ZNF208: variants seen among roughly 807,000 people sequenced by gnomAD.
The protein encoded by ZNF208 is zinc finger protein 208, also known as zinc finger protein 95.
Under a neutral mutation model 12.1 loss-of-function variants are expected in ZNF208, and 10 were observed. That is an observed-to-expected ratio of 0.83 (90% CI 0.51 to 1.40). The LOEUF (loss-of-function observed/expected upper bound fraction) is 1.40. Ranked by LOEUF, ZNF208 falls within the 40% of genes most tolerant of loss-of-function variation. The pLI is 0.00. For missense variants in ZNF208, 1,652 were observed against 1,485.0 expected (o/e 1.11, Z -1.85); for synonymous variants, 497 against 488.4 (o/e 1.02, Z -0.23).
In ZNF208 at chr19:21,974,725, A is replaced by G. The variant is rs772471432; in HGVS notation, c.309T>C (p.Tyr103=). 1 of 1,613,194 alleles carries G rather than the reference A, an allele frequency of 6.2e-7. No homozygotes were observed. The highest frequency in any genetic ancestry group is 1.1e-5 in the South Asian group (1 of 90,968). The change falls in exon 4 of 4, where the codon TAT becomes TAC. Residue 103 remains tyrosine (Y), a synonymous_variant. Coordinates refer to ENST00000397126, the MANE Select transcript of ZNF208 (RefSeq NM_007153.3). Reference sequence around the variant, plus strand: ...GTAAATTCTCATGTCCACATTTTTCATACCTTCTCAATATCACTTTTTGGA... The same window carrying G: ...GTAAATTCTCATGTCCACATTTTTCGTACCTTCTCAATATCACTTTTTGGA... ...DSFQKVILRR[Y]EKCGHENLHL... is the part of the protein sequence containing the mutation.
At chr19:21,995,179 T>C (rs148747862) in intron 1 of ZNF208, among the ~76,000 whole-genome samples, 2,116 of 152,288 alleles carry the variant, frequency 0.014, 136 homozygotes, top group East Asian at 0.13. Context: ...CTCGAACTCC[T>C]GACCTCAGGT....
chr19:21,974,457 T>C lies in ZNF208; in HGVS notation c.577A>G (p.Arg193Gly). The C allele has an allele frequency of 1.2e-6, 2 of 1,613,746 alleles. No individual in the cohort carries two copies. The highest frequency in any genetic ancestry group is 2.7e-5 in the African/African-American group (2 of 75,044). ...TAGGAATTCTCTCTAGTATAAATTC[T>C]TTTATGTTGAGATAGGTGTGAAAGC... ...CMLSHLSQHK[R>G]IYTRENSYKC... The change falls in exon 4 of 4, where the codon AGA becomes GGA. Residue 193 changes from arginine (R) to glycine (G), a missense_variant. Coordinates refer to ENST00000397126, the MANE Select transcript of ZNF208 (RefSeq NM_007153.3).
rs1005733728 is a variant in ZNF208, at chr19:21,969,075, T to C, written c.*2116A>G. Among the ~76,000 whole-genome samples the C allele has an allele frequency of 2.0e-5, 3 of 152,078 alleles. No homozygotes were observed. Among genetic ancestry groups the C allele is most frequent in the African/African-American group, 7.2e-5 (3 of 41,432 alleles). ...GGCGGGCGCCTGTAGTCCCAGCTAA[T>C]TGGGAGGCTGAGGTGGGAGAATGGC... On this transcript the variant is annotated 3_prime_UTR_variant, in exon 4 of 4. Coordinates refer to ENST00000397126, the MANE Select transcript of ZNF208 (RefSeq NM_007153.3).
chr19:21,948,012 A>T lies in ZNF208; in HGVS notation c.306-14775T>A, dbSNP rs560357900. Among the ~76,000 whole-genome samples the T allele has an allele frequency of 1.6e-4, 25 of 152,232 alleles. 1 individual carries two copies. Among genetic ancestry groups the T allele is most frequent in the African/African-American group, 6.0e-4 (25 of 41,542 alleles). ...GGTCATGCTCGCATCCATGGGTAAC[A>T]TCTATGATGGTGGCTGGGAACCAGA... On this transcript the variant is annotated intron_variant, in intron 4 of 4. Coordinates refer to the ZNF208 transcript ENST00000599916.
rs1369486199 is a variant in ZNF208 at position 21,968,739 on chromosome 19, C to T, written c.*2452G>A. On this transcript the variant is annotated 3_prime_UTR_variant, in exon 4 of 4. Coordinates refer to ENST00000397126, the MANE Select transcript of ZNF208 (RefSeq NM_007153.3). ...GGGTGAAATCCCACCTTGATTTTTT[C>T]GAATGCATTCAGTAGGCTTAGGTAA... Among the ~76,000 whole-genome samples the T allele has an allele frequency of 2.0e-5, 3 of 147,660 alleles. No individual in the cohort carries two copies. The highest frequency in any genetic ancestry group is 3.0e-5 in the Non-Finnish European group (2 of 67,326).
Position 21,970,884 on chromosome 19 carries a change from T to A in ZNF208, c.*307A>T, listed in dbSNP as rs1970266440. 6.6e-7 allele frequency: 1 copy of A among 1,522,636 alleles called. No homozygotes were observed. Among genetic ancestry groups the A allele is most frequent in the African/African-American group, 1.4e-5 (1 of 72,872 alleles). The allele number at this position is 1,522,636 out of a possible 1,614,324, so 94.3% of individuals were successfully genotyped here. A position where few individuals can be genotyped will look rare whatever the true frequency, so the allele number is the denominator to read the frequency against. On this transcript the variant is annotated 3_prime_UTR_variant, in exon 4 of 4. Transcript: ENST00000397126. Reference sequence around the variant, plus strand: ...GGGTTTCTCTCCAGTATGAATTTTCTATGATAACTGAGGGTTGAGGACCAC... The same window carrying A: ...GGGTTTCTCTCCAGTATGAATTTTCAATGATAACTGAGGGTTGAGGACCAC...
At position 21,972,442 on chromosome 19, in the gene ZNF208, T is replaced by G; in HGVS notation, c.2592A>C (p.Glu864Asp). 1 of 1,613,256 alleles carries G rather than the reference T, an allele frequency of 6.2e-7. No homozygotes were observed. The highest frequency in any genetic ancestry group is 8.5e-7 in the Non-Finnish European group (1 of 1,179,904). ...IHTGEKPYKC[E>D]ECGKAYKWPS... ...GCCATTTATAGGCTTTGCCACATTC[T>G]TCACATTTGTAGGGTTTCTCTCCAG... Residue 864 changes from glutamate to aspartate, a missense_variant, in exon 4 of 4, where the codon GAA becomes GAC. This residue lies in a region of ZNF208 where 1,239 missense variants were observed against 1,086.2 expected (regional missense o/e 1.14). Coordinates refer to ENST00000397126, the MANE Select transcript of ZNF208 (RefSeq NM_007153.3).
At chr19:22,003,779 C>T (rs1396390429) in intron 1 of ZNF208, among the ~76,000 whole-genome samples, 1 of 152,098 alleles carries the variant, frequency 6.6e-6, no homozygotes, top group African/African-American at 2.4e-5. Context: ...TTATTCTATC[C>T]TAAAGACACA....
chr19:21,986,854 GA>G, intron 3 of ZNF208: 1 of 393,886 alleles, frequency 2.5e-6, no homozygotes, highest in Non-Finnish European at 4.5e-6. Flanking sequence ...AGAGATGATG[GA>G]AAGAGAGAAC....
At chr19:21,960,781 G>A (rs1385993669) in intron 4 of ZNF208, among the ~76,000 whole-genome samples, 1 of 152,168 alleles carries the variant, frequency 6.6e-6, no homozygotes, top group Non-Finnish European at 1.5e-5. Flanking sequence ...TGAAGCCTCT[G>A]CAGCTGTGTG....
In ZNF208 at chr19:21,974,182, G is replaced by T; in HGVS notation, c.852C>A (p.Pro284=). ...KHKIIHTGEK[P]NKCEECGKAF... ...CTTTGCCACATTCTTCACATTTGTT[G>T]GGTTTCTCTCCAGTATGAATTATCT... Residue 284 remains proline (P), a synonymous_variant, in exon 4 of 4, where the codon CCC becomes CCA. Transcript: ENST00000397126. 1 of 1,604,130 alleles carries T rather than the reference G, an allele frequency of 6.2e-7. No individual in the cohort carries two copies. The highest frequency in any genetic ancestry group is 1.1e-5 in the South Asian group (1 of 90,832).
chr19:21,965,603 T>C (rs1345705785), downstream of ZNF208: 1 of 152,086 alleles, frequency 6.6e-6, no homozygotes, highest in African/African-American at 2.4e-5. Flanking sequence ...ATTATTTCTA[T>C]TTTTCACAAG....
intron 4 of ZNF208, among the ~76,000 whole-genome samples, chr19:21,944,455 A>T (rs1216513730): frequency 1.3e-5 from 2 of 152,232 alleles, no homozygotes; most frequent in African/African-American, 4.8e-5. Context: ...TTTAGAAAAA[A>T]TAAATATATT....
In ZNF208 at chr19:22,004,014, G is replaced by C. The variant is rs549844148; in HGVS notation, c.3+6778C>G. 1.4e-4 allele frequency among the ~76,000 whole-genome samples: 21 copies of C among 151,592 alleles called. 1 individual carries two copies. Among genetic ancestry groups the C allele is most frequent in the Middle Eastern group, 3.4e-3 (1 of 294 alleles). ...CAAAATCCCATCTATAAAAAAAAAA[G>C]TACAAAAATAAAAATTAGCTAAGCA... On this transcript the variant is annotated intron_variant, in intron 1 of 3. Transcript: ENST00000397126.
At chr19:21,993,619 G>T (rs1268537450) in intron 1 of ZNF208, among the ~76,000 whole-genome samples, 2 of 152,080 alleles carry the variant, frequency 1.3e-5, no homozygotes, top group Admixed American at 6.6e-5. Flanking sequence ...GTATGGAAAG[G>T]GTCCATAAAT....
At chr19:21,956,240 G>A (rs191466378) in intron 4 of ZNF208, among the ~76,000 whole-genome samples, 189 of 152,242 alleles carry the variant, frequency 1.2e-3, no homozygotes, top group African/African-American at 4.0e-3. Flanking sequence ...GGTGTCAGTC[G>A]GCCCCTACTG....
chr19:21,995,104 A>G (rs1970809751), intron 1 of ZNF208, among the ~76,000 whole-genome samples: 1 of 151,994 alleles, frequency 6.6e-6, no homozygotes, highest in South Asian at 2.1e-4. Context: ...GGCATGAGCC[A>G]CCACACCCAG....
In ZNF208 at chr19:21,971,127, G is replaced by T. The variant is rs886980436; in HGVS notation, c.*64C>A. 4 of 1,612,548 alleles carry T rather than the reference G, an allele frequency of 2.5e-6. No individual in the cohort carries two copies. Among genetic ancestry groups the T allele is most frequent in the Non-Finnish European group, 3.4e-6 (4 of 1,179,596 alleles). ...CATTTGTAGGGTTTCTCTCCAGTAT[G>T]AATTTTCTTATGATAACTAAGGGTT... On this transcript the variant is annotated 3_prime_UTR_variant, in exon 4 of 4. Coordinates refer to ENST00000397126, the MANE Select transcript of ZNF208 (RefSeq NM_007153.3).
rs2145540975 is a variant in ZNF208 at position 21,969,421 on chromosome 19, A to C, written c.*1770T>G. 6.6e-6 allele frequency among the ~76,000 whole-genome samples: 1 copy of C among 152,284 alleles called. No individual in the cohort carries two copies. The highest frequency in any genetic ancestry group is 2.1e-4 in the South Asian group (1 of 4,826). Reference sequence around the variant, plus strand: ...TTTTGGATTTTTTCCTATACTCAGCAGTCTGATTTAGTGTAATATCTGAAG... The same window carrying C: ...TTTTGGATTTTTTCCTATACTCAGCCGTCTGATTTAGTGTAATATCTGAAG... On this transcript the variant is annotated 3_prime_UTR_variant, in exon 4 of 4. Transcript: ENST00000397126.
Sources: gnomAD v4.1 joint callset for allele counts (sites outside exome capture counted in the v4.1 genomes callset) on GRCh38, gnomAD v4.1.1 for gene constraint, gnomAD v4.1.1 regional missense constraint, MANE v1.5 for transcripts, NCBI Gene and HGNC (gene_info 2026-07-23, HGNC 2026-07-21) for gene names.